Variants in AK5 observed in about 807,000 individuals in gnomAD.
The protein encoded by AK5 is adenylate kinase 5.
A neutral mutation model predicts 69.5 loss-of-function variants in AK5; 27 were observed. That is an observed-to-expected ratio of 0.39 (90% confidence interval 0.29 to 0.54). The LOEUF (loss-of-function observed/expected upper bound fraction) is 0.54. AK5 is among the 20% of genes least tolerant of loss of function. The pLI is 0.71. For synonymous variants in AK5, 260 were observed against 244.4 expected (o/e 1.06, Z -0.60); for missense variants, 531 against 700.4 (o/e 0.76, Z 2.73).
intron 10 of AK5, among the ~76,000 whole-genome samples, chr1:77,513,763 C>G (rs1657481451): frequency 2.0e-5 from 3 of 152,294 alleles, no homozygotes; most frequent in Non-Finnish European, 1.5e-5. Context: ...TCGCTTGAAC[C>G]TGGGAGGCGG....
intron 8 of AK5, among the ~76,000 whole-genome samples, chr1:77,441,435 A>T (rs537279940): frequency 1.3e-5 from 2 of 152,236 alleles, no homozygotes; most frequent in Admixed American, 1.3e-4. Context: ...CAAACTTTCT[A>T]GAGTGGCTTT....
chr1:77,392,769 GT>G (rs79380416), intron 6 of AK5, among the ~76,000 whole-genome samples: 14 of 148,058 alleles, frequency 9.5e-5, no homozygotes, highest in South Asian at 2.1e-4. Context: ...TGATTGCTGG[GT>G]TTTTTTTTTA....
At chr1:77,551,375 A>G (rs879427509) in intron 13 of AK5, among the ~76,000 whole-genome samples, 8 of 152,146 alleles carry the variant, frequency 5.3e-5, no homozygotes, top group Non-Finnish European at 7.4e-5. Context: ...TGCTTTTCCC[A>G]TCTAGAAAGC....
intron 8 of AK5, among the ~76,000 whole-genome samples, chr1:77,458,305 C>T (rs1405671850): frequency 2.0e-5 from 3 of 152,078 alleles, no homozygotes; most frequent in Non-Finnish European, 2.9e-5. Context: ...TCCTTGCTTT[C>T]TCGCACTGCT....
intron 8 of AK5, among the ~76,000 whole-genome samples, chr1:77,431,351 G>T (rs1296530473): frequency 3.3e-5 from 5 of 152,140 alleles, no homozygotes; most frequent in African/African-American, 4.8e-5. Context: ...TGTTTATTGG[G>T]TGGCCTTAGG....
rs150333691 is a variant in AK5, at chr1:77,392,303, T to A, written c.892-18678T>A. ...CTCATGAATGGAATGTGAAAGAGCC[T>A]CTGATACATTTGAGGCCTTTTTAAT... On this transcript the variant is annotated intron_variant, in intron 6 of 13. Transcript: ENST00000354567. 6.6e-5 allele frequency among the ~76,000 whole-genome samples: 10 copies of A among 152,344 alleles called. No homozygotes were observed. In the East Asian group the frequency reaches 1.5e-3, roughly 24 times the overall value.
chr1:77,513,825 T>C (rs912754355), intron 10 of AK5, among the ~76,000 whole-genome samples: 3 of 152,200 alleles, frequency 2.0e-5, no homozygotes, highest in African/African-American at 7.2e-5. Context: ...ATCCAGGAGC[T>C]ATCTCACAGG....
chr1:77,365,790 G>T (rs966192679), intron 6 of AK5, among the ~76,000 whole-genome samples: 5 of 152,190 alleles, frequency 3.3e-5, no homozygotes, highest in African/African-American at 1.2e-4. Flanking sequence ...ACCAGTCTGT[G>T]GCCTGGGACT....
intron 8 of AK5, among the ~76,000 whole-genome samples, chr1:77,421,708 A>G (rs1273957315): frequency 6.6e-6 from 1 of 152,104 alleles, no homozygotes; most frequent in Non-Finnish European, 1.5e-5. Context: ...TTCTGCTCCT[A>G]ACCACAGGCT....
rs1171863165 is a variant in AK5 at position 77,518,555 on chromosome 1, C to G, written c.1148-9C>G. 6.2e-7 allele frequency: 1 copy of G among 1,613,102 alleles called. No individual in the cohort carries two copies. Among genetic ancestry groups the G allele is most frequent in the African/African-American group, 1.3e-5 (1 of 74,884 alleles). On this transcript the variant is annotated splice_polypyrimidine_tract_variant and intron_variant, in intron 10 of 13. Transcript: ENST00000354567. ...GGAATGCATGTCTGACACATGACTT[C>G]TTTTCAAGGTGGTCCTGGCTCTGGC...
intron 8 of AK5, among the ~76,000 whole-genome samples, chr1:77,436,684 G>A (rs1428307843): frequency 6.6e-6 from 1 of 151,554 alleles, no homozygotes; most frequent in African/African-American, 2.4e-5. Context: ...AAACTAAGAA[G>A]AATTAATTTA....
At chr1:77,540,207 T>C (rs1156837867) in intron 13 of AK5, among the ~76,000 whole-genome samples, 2 of 152,242 alleles carry the variant, frequency 1.3e-5, no homozygotes, top group African/African-American at 2.4e-5. Context: ...ATTCTTTATG[T>C]CATCATAATG....
At chr1:77,474,765 C>A (rs1252986719) in intron 8 of AK5, among the ~76,000 whole-genome samples, 1 of 152,062 alleles carries the variant, frequency 6.6e-6, no homozygotes, top group Non-Finnish European at 1.5e-5. Context: ...TCCTTTTTCT[C>A]CCTGAAAACA....
At chr1:77,440,638 GT>G in intron 8 of AK5, among the ~76,000 whole-genome samples, 1 of 151,948 alleles carries the variant, frequency 6.6e-6, no homozygotes, top group South Asian at 2.1e-4. Flanking sequence ...TCACTTAATG[GT>G]GTCCCATAAG....
chr1:77,345,723 CA>C (rs1422824155), intron 6 of AK5, among the ~76,000 whole-genome samples: 1 of 152,164 alleles, frequency 6.6e-6, no homozygotes, highest in Non-Finnish European at 1.5e-5. Flanking sequence ...TAACCCCATT[CA>C]CACTACGATT....
intron 8 of AK5, 39 bp from the exon 9 acceptor site, chr1:77,483,278 T>A: frequency 6.6e-7 from 1 of 1,508,398 alleles, no homozygotes; most frequent in Non-Finnish European, 9.2e-7. Flanking sequence ...GCAAAATACC[T>A]GCTGTTATTA....
At chr1:77,395,901 C>T (rs546719418) in intron 6 of AK5, among the ~76,000 whole-genome samples, 2 of 152,282 alleles carry the variant, frequency 1.3e-5, no homozygotes, top group Non-Finnish European at 2.9e-5. Context: ...TCTTCATCCC[C>T]TCTATCAGCC....
chr1:77,306,494 G>GTTTT (rs869202567), intron 5 of AK5, among the ~76,000 whole-genome samples: 1 of 120,362 alleles, frequency 8.3e-6, no homozygotes, highest in African/African-American at 3.1e-5. Flanking sequence ...GTTTTTTTTT[G>GTTTT]TTTTTTTTTT....
chr1:77,424,653 A>C (rs761446188), intron 8 of AK5, among the ~76,000 whole-genome samples: 8 of 152,362 alleles, frequency 5.3e-5, no homozygotes, highest in Non-Finnish European at 1.0e-4. Context: ...TACATTTAAT[A>C]GACTGCACAT....
Sources: allele counts gnomAD v4.1 joint callset (sites outside exome capture counted in the v4.1 genomes callset), GRCh38; gene constraint gnomAD v4.1.1; transcripts MANE v1.5; gene names NCBI Gene and HGNC (gene_info 2026-07-23, HGNC 2026-07-21).